The following GNAQ variants were observed in gnomAD, a reference collection of about 807,000 sequenced individuals.
The protein encoded by GNAQ is guanine nucleotide-binding protein G(q) subunit alpha.
Under a neutral mutation model 43.9 loss-of-function variants are expected in GNAQ, and 8 were observed. That is an observed-to-expected ratio of 0.18 (90% CI 0.11 to 0.33). The LOEUF (loss-of-function observed/expected upper bound fraction) is 0.33, where lower values mean the gene tolerates loss of function less well. Ranked by LOEUF, GNAQ falls within the 10% of genes least tolerant of loss-of-function variation. The probability of loss-of-function intolerance (pLI) is 1.00; values close to 1 mark genes in which losing one functional copy is unlikely to be tolerated. For missense variants in GNAQ, 158 were observed against 450.8 expected, an observed-to-expected ratio of 0.35 and a Z score of 5.88; for synonymous variants, 155 against 170.7, an observed-to-expected ratio of 0.91 and a Z score of 0.71.
At chr9:77,743,666 ACTG>A (rs985246909) in intron 5 of GNAQ, among the ~76,000 whole-genome samples, 123 of 38,210 alleles carry the variant, frequency 3.2e-3, no homozygotes, top group South Asian at 0.022. Context: ...TTTTTTTTAA[ACTG>A]ACTGATAGCT....
Position 78,001,725 on chromosome 9 carries a change from T to C in GNAQ, c.136+29375A>G, listed in dbSNP as rs150894001. ...TCTCATGAGTTCAGCCTCACTGTCT[T>C]ATTTTTTACAACCCATAAAAGAAGG... is the stretch of plus-strand genomic sequence containing the variant. On this transcript the variant is annotated intron_variant, in intron 1 of 6. Coordinates refer to ENST00000286548, the MANE Select transcript of GNAQ (RefSeq NM_002072.5). 5.1e-3 allele frequency among the ~76,000 whole-genome samples: 774 copies of C among 152,244 alleles called. 6 individuals are homozygous for C. Among genetic ancestry groups the C allele is most frequent in the Non-Finnish European group, 9.0e-3 (612 of 68,022 alleles).
At chr9:77,864,632 AACGG>A in intron 2 of GNAQ, among the ~76,000 whole-genome samples, 1 of 152,150 alleles carries the variant, frequency 6.6e-6, no homozygotes. Context: ...AAGACAAGAA[AACGG>A]ACACTCCCCT....
At chr9:77,740,325 T>C (rs1825633551) in intron 5 of GNAQ, among the ~76,000 whole-genome samples, 1 of 152,236 alleles carries the variant, frequency 6.6e-6, no homozygotes, top group Non-Finnish European at 1.5e-5. Flanking sequence ...AGTTCTTTTC[T>C]TTATCTTTTG....
intron 2 of GNAQ, among the ~76,000 whole-genome samples, chr9:77,910,459 A>G (rs1828781263): frequency 6.6e-6 from 1 of 152,218 alleles, no homozygotes. Context: ...GACCAGCTTC[A>G]CAACTTCCTA....
chr9:77,864,380 G>A lies in GNAQ; in HGVS notation c.322-48610C>T, dbSNP rs568252908. Among the ~76,000 whole-genome samples, 8 of 152,286 alleles carry A rather than the reference G, an allele frequency of 5.3e-5. No individual in the cohort carries two copies. The East Asian group carries it at 1.4e-3, about 26-fold the overall frequency. On this transcript the variant is annotated intron_variant, in intron 2 of 6. Transcript: ENST00000286548. ...AAACCATATCCAAACCATAGCAGTT[G>A]CTTTACATAGCAAAGGGAAGGTTGC...
intron 1 of GNAQ, among the ~76,000 whole-genome samples, chr9:78,026,719 T>C (rs1823984926): frequency 6.6e-6 from 1 of 152,210 alleles, no homozygotes; most frequent in African/African-American, 2.4e-5. Flanking sequence ...CTTTTCCAGA[T>C]GTGTAGAAAT....
intron 1 of GNAQ, among the ~76,000 whole-genome samples, chr9:78,015,751 A>C (rs544493125): frequency 2.6e-5 from 4 of 152,302 alleles, no homozygotes; most frequent in Admixed American, 1.3e-4. Context: ...AAACTATATT[A>C]AACAATCTTG....
intron 5 of GNAQ, among the ~76,000 whole-genome samples, chr9:77,732,267 C>A (rs1357587068): frequency 6.6e-6 from 1 of 152,092 alleles, no homozygotes; most frequent in African/African-American, 2.4e-5. Flanking sequence ...ACTCTGAAGA[C>A]AGGTTTAAAG....
At chr9:77,938,854 A>G (rs1326667720) in intron 1 of GNAQ, among the ~76,000 whole-genome samples, 2 of 152,242 alleles carry the variant, frequency 1.3e-5, no homozygotes, top group Non-Finnish European at 2.9e-5. Flanking sequence ...AACGCTGCTA[A>G]GTATGCACAA....
intron 1 of GNAQ, among the ~76,000 whole-genome samples, chr9:77,936,612 C>A (rs1196632135): frequency 6.6e-6 from 1 of 152,092 alleles, no homozygotes; most frequent in African/African-American, 2.4e-5. Context: ...CAACTAAATG[C>A]AAAATACTTT....
chr9:77,848,125 C>A (rs1258963150), intron 2 of GNAQ, among the ~76,000 whole-genome samples: 1 of 152,204 alleles, frequency 6.6e-6, no homozygotes, highest in Non-Finnish European at 1.5e-5. Context: ...CCACCTACCC[C>A]TGTCTCCTTG....
chr9:77,895,466 T>C (rs559778147), intron 2 of GNAQ, among the ~76,000 whole-genome samples: 1 of 152,234 alleles, frequency 6.6e-6, no homozygotes, highest in African/African-American at 2.4e-5. Flanking sequence ...TGCTGCTAGT[T>C]ACACAGATGG....
intron 2 of GNAQ, among the ~76,000 whole-genome samples, chr9:77,878,224 T>TG (rs1156861169): frequency 1.4e-5 from 2 of 146,830 alleles, no homozygotes; most frequent in South Asian, 2.1e-4. Flanking sequence ...AGGTATTTGG[T>TG]GTTTTTTTTT....
intron 2 of GNAQ, among the ~76,000 whole-genome samples, chr9:77,833,424 T>C (rs1163898895): frequency 6.6e-6 from 1 of 152,200 alleles, no homozygotes; most frequent in Non-Finnish European, 1.5e-5. Context: ...AAGTACAAAG[T>C]AAGCAACTGG....
intron 2 of GNAQ, among the ~76,000 whole-genome samples, chr9:77,909,710 A>G (rs1828768829): frequency 6.6e-6 from 1 of 152,066 alleles, no homozygotes; most frequent in South Asian, 2.1e-4. Flanking sequence ...ACAACTGCAT[A>G]TGCATCTTAC....
chr9:77,883,291 A>G (rs1828244845), intron 2 of GNAQ, among the ~76,000 whole-genome samples: 1 of 152,038 alleles, frequency 6.6e-6, no homozygotes, highest in African/African-American at 2.4e-5. Flanking sequence ...TGTGCCCTAT[A>G]TGAGAGTCTC....
chr9:77,815,899 T>C (rs1006880973), intron 2 of GNAQ, 129 bp from the exon 3 acceptor site: 5 of 554,728 alleles, frequency 9.0e-6, no homozygotes, highest in African/African-American at 5.8e-5. Flanking sequence ...TGGTTTACAA[T>C]AAAGTCATGT....
chr9:77,866,143 TC>T (rs1290607283), intron 2 of GNAQ, among the ~76,000 whole-genome samples: 4 of 152,200 alleles, frequency 2.6e-5, no homozygotes, highest in African/African-American at 9.7e-5. Context: ...ATAATATTTA[TC>T]ACTAGCTGGT....
intron 1 of GNAQ, among the ~76,000 whole-genome samples, chr9:77,969,706 T>C (rs1319839649): frequency 6.6e-6 from 1 of 152,220 alleles, no homozygotes; most frequent in Non-Finnish European, 1.5e-5. Flanking sequence ...AGTTCAACAC[T>C]ATGGATTTTC....
Sources: gnomAD v4.1 joint callset for allele counts (sites outside exome capture counted in the v4.1 genomes callset) on GRCh38, gnomAD v4.1.1 for gene constraint, MANE v1.5 for transcripts, NCBI Gene and HGNC (gene_info 2026-07-23, HGNC 2026-07-21) for gene names.